NAA16: variants seen among roughly 807,000 people sequenced by gnomAD.
The protein encoded by NAA16 is N-alpha-acetyltransferase 16, NatA auxiliary subunit.
Under a neutral mutation model 110.3 loss-of-function variants are expected in NAA16, and 97 were observed. That is an observed-to-expected ratio of 0.88 (90% CI 0.75 to 1.04). The LOEUF (loss-of-function observed/expected upper bound fraction) is 1.04. NAA16 is among the 50% of genes least tolerant of loss of function. NAA16 has a pLI of 0.00. For missense variants in NAA16, 1,017 were observed against 1,005.1 expected (o/e 1.01, Z -0.16); for synonymous variants, 372 against 330.6 (o/e 1.13, Z -1.36).
Position 41,372,281 on chromosome 13 carries a change from C to G in NAA16, c.2026C>G (p.Leu676Val), listed in dbSNP as rs748437714. 2.5e-6 allele frequency: 4 copies of G among 1,597,132 alleles called. No homozygotes were observed. The Admixed American group carries it at 7.0e-5, about 28-fold the overall frequency. ...NLVADNIDTH[L>V]LAFEIYFRKG... ...TGTTGCTGATAACATTGACACTCAT[C>G]TGTTAGCATTTGAAATATATTTTAG... Residue 676 changes from leucine to valine, a missense_variant, in exon 16 of 20, where the codon CTG (leucine) becomes GTG (valine). Transcript: ENST00000379406.
chr13:41,337,769 CAT>C (rs1465618675), intron 9 of NAA16, among the ~76,000 whole-genome samples: 1 of 152,052 alleles, frequency 6.6e-6, no homozygotes, highest in African/African-American at 2.4e-5. Flanking sequence ...AAGCTTCTGT[CAT>C]ATTTATTTAG....
At chr13:41,325,077 C>T (rs184556136) in intron 5 of NAA16, among the ~76,000 whole-genome samples, 195 of 151,084 alleles carry the variant, frequency 1.3e-3, no homozygotes, top group African/African-American at 4.5e-3. Flanking sequence ...TCTGCCTCAG[C>T]TTCCTGAGTA....
chr13:41,373,538 G>A (rs1330016814), intron 17 of NAA16, 99 bp from the exon 18 acceptor site: 16 of 1,370,718 alleles, frequency 1.2e-5, no homozygotes, highest in Middle Eastern at 2.8e-4. Flanking sequence ...GATTACAGGC[G>A]TGAGCCACCG....
chr13:41,359,952 G>C (rs2043078229), intron 12 of NAA16, among the ~76,000 whole-genome samples: 1 of 152,054 alleles, frequency 6.6e-6, no homozygotes, highest in African/African-American at 2.4e-5. Context: ...AAAGCATAAA[G>C]CATAAAAGAA....
chr13:41,376,846 T>C lies in NAA16; in HGVS notation c.*1244T>C, dbSNP rs1368913708. ...ACTCATGTTCAGAACCTTGTAAATA[T>C]GTCTGTAATATTAATGCTTCCCTTT... On this transcript the variant is annotated 3_prime_UTR_variant, in exon 20 of 20. Transcript: ENST00000379406. 1 of 152,164 alleles carries C rather than the reference T, an allele frequency of 6.6e-6. No individual in the cohort carries two copies. Among genetic ancestry groups the C allele is most frequent in the Non-Finnish European group, 1.5e-5 (1 of 68,008 alleles). 9.4% of individuals were successfully genotyped at this position (152,164 alleles called of 1,614,324 possible).
rs568689208 is a variant in NAA16, at chr13:41,377,006, A to G, written c.*1404A>G. ...AAATAATGCCAACCTAGATAATGCT[A>G]TAATAAATTATTTTGTACACAGTTG... is the stretch of plus-strand genomic sequence containing the variant. On this transcript the variant is annotated 3_prime_UTR_variant, in exon 20 of 20. Transcript: ENST00000379406. The G allele has an allele frequency of 6.6e-6, 1 of 152,320 alleles. No individual in the cohort carries two copies. The highest frequency in any genetic ancestry group is 2.4e-5 in the African/African-American group (1 of 41,582). The allele number at this position is 152,320 out of a possible 1,614,324, so 9.4% of individuals were successfully genotyped here.
chr13:41,361,130 A>G (rs2043104212), intron 12 of NAA16, among the ~76,000 whole-genome samples: 1 of 151,826 alleles, frequency 6.6e-6, no homozygotes, highest in African/African-American at 2.4e-5. Context: ...AACTGTGACA[A>G]AACTTGAGTA....
chr13:41,358,735 G>A (rs910740135), intron 11 of NAA16, 75 bp from the exon 12 acceptor site: 76 of 1,495,166 alleles, frequency 5.1e-5, no homozygotes, highest in Non-Finnish European at 6.7e-5. Context: ...TTTTGTCTGT[G>A]TAAATTATTT....
rs541965744 is a variant in NAA16 at position 41,333,164 on chromosome 13, G to A, written c.907+1795G>A. On this transcript the variant is annotated intron_variant, in intron 8 of 19. Transcript: ENST00000379406. ...GAATTTCAAAGATGGGAGTATATGC[G>A]TAGTGAGGAGTATTTTCCCTAATAA... Among the ~76,000 whole-genome samples the A allele has an allele frequency of 2.8e-4, 43 of 152,234 alleles. 1 individual carries two copies. Among genetic ancestry groups the A allele is most frequent in the Admixed American group, 1.9e-3 (29 of 15,278 alleles).
chr13:41,312,362 G>A (rs2041639126), intron 1 of NAA16, among the ~76,000 whole-genome samples: 1 of 152,188 alleles, frequency 6.6e-6, no homozygotes. Context: ...TGGCCCCGTA[G>A]TGATGACCGC....
At position 41,321,468 on chromosome 13, in the gene NAA16, C is replaced by T. The variant is rs115055403; in HGVS notation, c.402+644C>T. ...CTGGGATTACAGGCATGAGCCACTA[C>T]GCCTGGCCATAACTGTTTAACTGGA... On this transcript the variant is annotated intron_variant, in intron 4 of 19. Transcript: ENST00000379406. Among the ~76,000 whole-genome samples, 779 of 152,274 alleles carry T rather than the reference C, an allele frequency of 5.1e-3. 8 individuals carry two copies. Among genetic ancestry groups the T allele is most frequent in the African/African-American group, 0.017 (702 of 41,534 alleles).
rs775759096 is a variant in NAA16 at position 41,375,425 on chromosome 13, A to C, written c.2418A>C (p.Glu806Asp). 1 of 1,613,378 alleles carries C rather than the reference A, an allele frequency of 6.2e-7. No homozygotes were observed. The highest frequency in any genetic ancestry group is 1.7e-5 in the Admixed American group (1 of 59,980). The change falls in exon 20 of 20, where the codon GAA (glutamate) becomes GAC (aspartate). Residue 806 changes from glutamate to aspartate, a missense_variant. Glu to Asp is a conservative substitution (Grantham distance 45). Coordinates refer to ENST00000379406, the MANE Select transcript of NAA16 (RefSeq NM_024561.5). The stretch of plus-strand genomic sequence containing the variant: ...ACTAGACATTAATAAAGGTTTCTGA[A>C]GCACTGCTTGATGGCAGCTTTGGGA... ...KDVKTLIKVS[E>D]ALLDGSFGNC...
chr13:41,367,298 G>C (rs186536161), intron 13 of NAA16, 141 bp from the exon 14 acceptor site: 1 of 574,728 alleles, frequency 1.7e-6, no homozygotes, highest in African/African-American at 1.9e-5. Flanking sequence ...ATCCTTTATA[G>C]TGTAAAACAT....
intron 9 of NAA16, among the ~76,000 whole-genome samples, chr13:41,351,176 G>A (rs1179831807): frequency 3.3e-5 from 5 of 152,148 alleles, no homozygotes; most frequent in Admixed American, 6.5e-5. Context: ...AAAATAATAC[G>A]TAAAGCATTG....
intron 9 of NAA16, among the ~76,000 whole-genome samples, chr13:41,349,602 A>G (rs2042773287): frequency 6.6e-6 from 1 of 152,168 alleles, no homozygotes; most frequent in Non-Finnish European, 1.5e-5. Context: ...CCAAAAGATA[A>G]TTAGTAAAAT....
rs754237653 is a variant in NAA16 at position 41,340,647 on chromosome 13, G to GTTTTTTT, written c.1014+3929_1014+3935dup. ...CATATAGTTGTGCGGTTTTGAGTGA[G>GTTTTTTT]TTTTTTTTTTTTTTTTTTTTTTTTT... On this transcript the variant is annotated intron_variant, in intron 9 of 19. Transcript: ENST00000379406. 1.1e-4 allele frequency among the ~76,000 whole-genome samples: 5 copies of GTTTTTTT among 43,598 alleles called. 2 individuals carry two copies. Among genetic ancestry groups the GTTTTTTT allele is most frequent in the African/African-American group, 2.4e-4 (3 of 12,688 alleles). 28.6% of individuals were successfully genotyped at this position (43,598 alleles called of 152,430 possible). A position where few individuals can be genotyped will look rare whatever the true frequency, so the allele number is the denominator to read the frequency against.
intron 9 of NAA16, among the ~76,000 whole-genome samples, chr13:41,349,218 C>G (rs2042763351): frequency 2.0e-5 from 3 of 151,882 alleles, no homozygotes; most frequent in Non-Finnish European, 4.4e-5. Flanking sequence ...CTGGGTCTTG[C>G]TCTATCACCC....
chr13:41,331,276 A>G lies in NAA16; in HGVS notation c.814A>G (p.Thr272Ala), dbSNP rs145778189. 2 of 1,598,598 alleles carry G rather than the reference A, an allele frequency of 1.3e-6. No individual in the cohort carries two copies. Among genetic ancestry groups the G allele is most frequent in the Non-Finnish European group, 8.5e-7 (1 of 1,169,660 alleles). Reference sequence around the variant, plus strand: ...TCACCCATATTTACTGATAATAGGCACTTTAGAAGAGAGGCTTCAAATTTA... The same window carrying G: ...TCACCCATATTTACTGATAATAGGCGCTTTAGAAGAGAGGCTTCAAATTTA... ...EGLEKALQIS[T>A]LEERLQIYEE... Residue 272 changes from threonine (T) to alanine (A), a missense_variant and splice_region_variant, in exon 8 of 20, where the codon ACT (threonine) becomes GCT (alanine). By Grantham distance (58) the Thr-to-Ala change is moderately conservative. Coordinates refer to ENST00000379406, the MANE Select transcript of NAA16 (RefSeq NM_024561.5).
rs1033575956 is a variant in NAA16, at chr13:41,323,315, A to G, written c.537+125A>G. 6.6e-6 allele frequency: 6 copies of G among 907,640 alleles called. No homozygotes were observed. In the African/African-American group the frequency reaches 1.0e-4, roughly 15 times the overall value. 56.2% of individuals were successfully genotyped at this position (907,640 alleles called of 1,614,324 possible). A position where few individuals can be genotyped will look rare whatever the true frequency, so the allele number is the denominator to read the frequency against. On this transcript the variant is annotated intron_variant, in intron 5 of 19. Transcript: ENST00000379406. ...GAAAACGGGAAAACTTTTTGACGTA[A>G]TTGGAAACAGTTAAAATGTAGGATT...
Sources: gnomAD v4.1 joint callset for allele counts (sites outside exome capture counted in the v4.1 genomes callset) on GRCh38, gnomAD v4.1.1 for gene constraint, MANE v1.5 for transcripts, NCBI Gene and HGNC (gene_info 2026-07-23, HGNC 2026-07-21) for gene names.